Variants in EDIL3 observed in about 807,000 individuals in gnomAD.
EDIL3 encodes EGF like and discoidin domains 3.
Under a neutral mutation model 67.4 loss-of-function variants are expected in EDIL3, and 37 were observed. The observed-to-expected ratio is 0.55, with a 90% CI of 0.42 to 0.72. The LOEUF (loss-of-function observed/expected upper bound fraction) is 0.72, where lower values mean the gene tolerates loss of function less well. Among genes scored for constraint, EDIL3 ranks in the 30% least tolerant of loss-of-function variants. EDIL3 has a pLI of 0.00. For synonymous variants in EDIL3, 195 were observed against 196.3 expected (o/e 0.99, Z 0.05); for missense variants, 527 against 586.3 (o/e 0.90, Z 1.04).
chr5:84,043,757 C>T (rs1352744167), intron 9 of EDIL3, among the ~76,000 whole-genome samples: 1 of 151,914 alleles, frequency 6.6e-6, no homozygotes, highest in African/African-American at 2.4e-5. Context: ...TACATATGTA[C>T]ACATATTATT....
intron 3 of EDIL3, among the ~76,000 whole-genome samples, chr5:84,188,418 C>T (rs1359822658): frequency 1.3e-5 from 2 of 151,880 alleles, no homozygotes; most frequent in African/African-American, 4.8e-5. Flanking sequence ...CAGCAAAACA[C>T]GAATCCCTGC....
At chr5:84,251,536 C>CATT (rs1242832845) in intron 2 of EDIL3, among the ~76,000 whole-genome samples, 1 of 151,920 alleles carries the variant, frequency 6.6e-6, no homozygotes, top group East Asian at 1.9e-4. Context: ...ATATTAAAGG[C>CATT]ATTACTACCA....
chr5:84,164,106 TA>T (rs1469254298), intron 4 of EDIL3, among the ~76,000 whole-genome samples: 12 of 152,074 alleles, frequency 7.9e-5, no homozygotes, highest in Middle Eastern at 3.2e-3. Context: ...TCTGAAAAAA[TA>T]TTTTTTTTAA....
chr5:84,242,120 T>A (rs1208240237), intron 2 of EDIL3, among the ~76,000 whole-genome samples: 1 of 149,690 alleles, frequency 6.7e-6, no homozygotes, highest in African/African-American at 2.5e-5. Context: ...TAGTCCCAGC[T>A]ACTCGGGAGG....
chr5:84,023,896 T>C (rs7706319), intron 9 of EDIL3, among the ~76,000 whole-genome samples: 1,617 of 152,214 alleles, frequency 0.011, 38 homozygotes, highest in African/African-American at 0.036. Context: ...AATGACACAA[T>C]AGCACTGCAC....
chr5:84,122,112 C>T (rs1490322215), intron 5 of EDIL3, among the ~76,000 whole-genome samples: 2 of 151,916 alleles, frequency 1.3e-5, no homozygotes, highest in Non-Finnish European at 2.9e-5. Context: ...CTCAAGTGCA[C>T]TTCACTCTTG....
intron 3 of EDIL3, among the ~76,000 whole-genome samples, chr5:84,210,774 G>A (rs1042497947): frequency 2.0e-5 from 3 of 151,994 alleles, no homozygotes; most frequent in African/African-American, 7.3e-5. Context: ...CTTTTTCATC[G>A]AATAGACTAT....
chr5:84,099,084 C>A (rs1747315876), intron 6 of EDIL3, among the ~76,000 whole-genome samples: 1 of 152,098 alleles, frequency 6.6e-6, no homozygotes. Flanking sequence ...CAAACCACTC[C>A]TCAAGGAAAT....
chr5:84,009,080 G>A (rs1745474480), intron 9 of EDIL3, among the ~76,000 whole-genome samples: 1 of 152,182 alleles, frequency 6.6e-6, no homozygotes, highest in South Asian at 2.1e-4. Context: ...CCAAAGTGCT[G>A]GGATTACAGG....
chr5:84,167,936 G>A (rs1748739102), intron 4 of EDIL3, among the ~76,000 whole-genome samples: 1 of 151,978 alleles, frequency 6.6e-6, no homozygotes, highest in Non-Finnish European at 1.5e-5. Context: ...AACCAAAAAA[G>A]CATTTTCAGA....
chr5:84,190,589 A>G (rs202099353), intron 3 of EDIL3, among the ~76,000 whole-genome samples: 49,286 of 122,810 alleles, frequency 0.4, 8,898 homozygotes, highest in African/African-American at 0.45. Context: ...GTATATATAT[A>G]TATATATATA....
At chr5:84,047,721 G>A (rs1287504409) in intron 9 of EDIL3, 1 of 151,982 alleles carries the variant, frequency 6.6e-6, no homozygotes, top group Non-Finnish European at 1.5e-5. Flanking sequence ...CATAAAAAAA[G>A]AAAGAATATT....
intron 5 of EDIL3, among the ~76,000 whole-genome samples, chr5:84,131,676 A>G (rs2112308942): frequency 6.6e-6 from 1 of 152,292 alleles, no homozygotes; most frequent in African/African-American, 2.4e-5. Flanking sequence ...AAAAATCAAT[A>G]TTTAAAGTAC....
At position 84,117,019 on chromosome 5, in the gene EDIL3, TA is replaced by T. The variant is rs1209784713; in HGVS notation, c.470-10190del. On this transcript the variant is annotated intron_variant, in intron 5 of 10. Transcript: ENST00000296591. Reference sequence around the variant, plus strand: ...TTATGTAGTATCCAAGTTAAGTACTTATTTTTTTTTTTTTTTTTTTTTTTTT... The same window carrying T: ...TTATGTAGTATCCAAGTTAAGTACTTTTTTTTTTTTTTTTTTTTTTTTTTT... Among the ~76,000 whole-genome samples the T allele has an allele frequency of 2.6e-4, 35 of 136,386 alleles. 1 individual carries two copies. Among genetic ancestry groups the T allele is most frequent in the African/African-American group, 9.2e-4 (31 of 33,744 alleles). 89.5% of individuals were successfully genotyped at this position (136,386 alleles called of 152,430 possible). A position where few individuals can be genotyped will look rare whatever the true frequency, so the allele number is the denominator to read the frequency against.
chr5:84,360,948 G>T (rs1561268437), intron 1 of EDIL3, among the ~76,000 whole-genome samples: 1 of 151,696 alleles, frequency 6.6e-6, no homozygotes, highest in Non-Finnish European at 1.5e-5. Context: ...TTCTTCTGGG[G>T]GTATTTTTTC....
chr5:84,305,694 A>C (rs1746252509), intron 1 of EDIL3, among the ~76,000 whole-genome samples: 1 of 152,202 alleles, frequency 6.6e-6, no homozygotes, highest in African/African-American at 2.4e-5. Context: ...CCTGGCCAAC[A>C]TGGTGAAACC....
At chr5:84,063,072 C>T (rs1746572795) in intron 8 of EDIL3, among the ~76,000 whole-genome samples, 3 of 152,026 alleles carry the variant, frequency 2.0e-5, no homozygotes, top group Admixed American at 6.6e-5. Context: ...AAAATAAAAC[C>T]TGTAAAGTGT....
At chr5:84,346,135 C>CTT (rs912729041) in intron 1 of EDIL3, among the ~76,000 whole-genome samples, 13,842 of 122,852 alleles carry the variant, frequency 0.11, 1,048 homozygotes, top group South Asian at 0.21. Context: ...CTTTTTTTTT[C>CTT]TTTTTTTTTT....
chr5:84,062,429 T>A (rs1278763473), intron 8 of EDIL3, among the ~76,000 whole-genome samples: 1 of 152,110 alleles, frequency 6.6e-6, no homozygotes, highest in Non-Finnish European at 1.5e-5. Context: ...TAACATAGTA[T>A]TGAAGTACTG....
Sources: allele counts gnomAD v4.1 joint callset (sites outside exome capture counted in the v4.1 genomes callset), GRCh38; gene constraint gnomAD v4.1.1; transcripts MANE v1.5; gene names NCBI Gene and HGNC (gene_info 2026-07-23, HGNC 2026-07-21).